DUOX1: variants seen among roughly 807,000 people sequenced by gnomAD.
DUOX1 encodes NADPH thyroid oxidase 1.
Under a neutral mutation model 181.8 loss-of-function variants are expected in DUOX1, and 134 were observed. The observed-to-expected ratio is 0.74, with a 90% CI of 0.64 to 0.85. The LOEUF is 0.85. DUOX1 is among the 40% of genes least tolerant of loss of function. DUOX1 has a pLI of 0.00. For synonymous variants in DUOX1, 798 were observed against 832.5 expected (o/e 0.96, Z 0.71); for missense variants, 1,814 against 2,064.4 (o/e 0.88, Z 2.35).
intron 24 of DUOX1, 21 bp downstream of exon 24, chr15:45,152,073 C>A (rs774008268): frequency 6.2e-7 from 1 of 1,610,292 alleles, no homozygotes; most frequent in African/African-American, 1.3e-5. Context: ...TTACTTACCA[C>A]GAGCCCTGTC....
chr15:45,151,792 G>A, intron 23 of DUOX1, 82 bp from the exon 24 acceptor site: 1 of 1,435,856 alleles, frequency 7.0e-7, no homozygotes, highest in Middle Eastern at 1.9e-4. Context: ...TCACTTCTGG[G>A]CGGCTCACCT....
Position 45,150,837 on chromosome 15 carries a change from A to G in DUOX1, c.2888+136A>G, listed in dbSNP as rs1595588577. The G allele has an allele frequency of 5.7e-6, 5 of 876,144 alleles. No individual in the cohort carries two copies. The East Asian group carries it at 1.3e-4, about 23-fold the overall frequency. 54.3% of individuals were successfully genotyped at this position (876,144 alleles called of 1,614,324 possible). A position where few individuals can be genotyped will look rare whatever the true frequency, so the allele number is the denominator to read the frequency against. ...ATTAGAAAAGGACACCCCTTTCTCT[A>G]GGCAGACACAGCCCTGTGCCAGGGC... On this transcript the variant is annotated intron_variant, in intron 22 of 33. Coordinates refer to ENST00000389037, the MANE Select transcript of DUOX1 (RefSeq NM_175940.3).
intron 27 of DUOX1, 143 bp downstream of exon 27, chr15:45,154,143 C>T (rs2141293503): frequency 1.3e-6 from 1 of 762,112 alleles, no homozygotes; most frequent in Non-Finnish European, 2.3e-6. Context: ...GAGGACACTA[C>T]TGGGTGGGCA....
chr15:45,143,095 A>G (rs1896550509), intron 15 of DUOX1, 95 bp from the exon 16 acceptor site: 1 of 891,164 alleles, frequency 1.1e-6, no homozygotes, highest in Non-Finnish European at 1.8e-6. Context: ...AGGTGGGGAC[A>G]ATAGGTGGTA....
chr15:45,142,181 C>A (rs1896518091), intron 15 of DUOX1, 69 bp downstream of exon 15: 4 of 1,544,530 alleles, frequency 2.6e-6, no homozygotes, highest in South Asian at 1.2e-5. Flanking sequence ...GGTGGTTCCA[C>A]TAATGACAAC....
rs779431682 is a variant in DUOX1 at position 45,133,841 on chromosome 15, C to T, written c.59-23C>T. ...CTCACGCACTGACTTGCCCAGCTGC[C>T]CCTTCCCTCCATTCTCACACAGGAG... On this transcript the variant is annotated intron_variant, in intron 2 of 33. Coordinates refer to ENST00000389037, the MANE Select transcript of DUOX1 (RefSeq NM_175940.3). 7.5e-6 allele frequency: 12 copies of T among 1,609,478 alleles called. No individual in the cohort carries two copies. The South Asian group carries it at 1.3e-4, about 18-fold the overall frequency.
chr15:45,141,144 GC>G, intron 13 of DUOX1, 74 bp downstream of exon 13: 1 of 1,584,784 alleles, frequency 6.3e-7, no homozygotes, highest in Non-Finnish European at 8.7e-7. Flanking sequence ...GCCTTAGACA[GC>G]CCCCATGAGC....
At chr15:45,141,653 G>A (rs914596059) in intron 14 of DUOX1, among the ~76,000 whole-genome samples, 8 of 152,158 alleles carry the variant, frequency 5.3e-5, no homozygotes, top group African/African-American at 1.9e-4. Flanking sequence ...GAGCTGGTGA[G>A]GAGGTTCACA....
chr15:45,157,956 G>C (rs895941591), intron 28 of DUOX1, among the ~76,000 whole-genome samples: 2 of 152,080 alleles, frequency 1.3e-5, no homozygotes, highest in Non-Finnish European at 2.9e-5. Context: ...CTTGTCCCAG[G>C]CGTGACCACT....
chr15:45,164,064 A>T, intron 33 of DUOX1, 146 bp downstream of exon 33: 1 of 1,301,110 alleles, frequency 7.7e-7, no homozygotes, highest in Non-Finnish European at 1.1e-6. Flanking sequence ...AATGGAAAGG[A>T]TAGGTGGGTG....
chr15:45,141,987 C>T lies in DUOX1; in HGVS notation c.1697C>T (p.Pro566Leu), dbSNP rs969198560. 78 of 1,611,854 alleles carry T rather than the reference C, an allele frequency of 4.8e-5. No individual in the cohort carries two copies. The highest frequency in any genetic ancestry group is 2.5e-4 in the Admixed American group (15 of 59,830). Residue 566 changes from proline (P) to leucine (L), a missense_variant, in exon 15 of 34, where the codon CCG becomes CTG. By Grantham distance (98) the Pro-to-Leu change is moderately conservative. Transcript: ENST00000389037. ...VFVWHKGDPC[P>L]QPRQLSTEGL... Reference sequence around the variant, plus strand: ...TCTGCCTTCCCAGGAGACCCCTGTCCGCAGCCGAGACAGCTCAGCACTGAA... The same window carrying T: ...TCTGCCTTCCCAGGAGACCCCTGTCTGCAGCCGAGACAGCTCAGCACTGAA...
intron 18 of DUOX1, among the ~76,000 whole-genome samples, chr15:45,146,581 G>C (rs188438573): frequency 4.0e-5 from 6 of 151,656 alleles, no homozygotes; most frequent in Admixed American, 2.0e-4. Flanking sequence ...GAGATAAGTA[G>C]GGCAGATGAG....
At position 45,161,061 on chromosome 15, in the gene DUOX1, GCA is replaced by G. The variant is rs1897087413; in HGVS notation, c.3856+74_3856+75del. The G allele has an allele frequency of 1.9e-6, 3 of 1,597,746 alleles. No homozygotes were observed. In the East Asian group the frequency reaches 6.8e-5, roughly 36 times the overall value. ...ACCGGGCAGAGGCAGAGTCTAGACC[GCA>G]CAGTCTCCTGGTCGGGCCCAGTGGA... On this transcript the variant is annotated intron_variant, in intron 29 of 33. Coordinates refer to ENST00000389037, the MANE Select transcript of DUOX1 (RefSeq NM_175940.3).
chr15:45,152,745 T>TAG, intron 25 of DUOX1: 1 of 597,572 alleles, frequency 1.7e-6, no homozygotes, highest in East Asian at 2.8e-5. Flanking sequence ...AGCTGACAAG[T>TAG]TACTAACACC....
Position 45,145,009 on chromosome 15 carries a change from A to G in DUOX1, c.2251A>G (p.Met751Val). 1 of 1,614,048 alleles carries G rather than the reference A, an allele frequency of 6.2e-7. No homozygotes were observed. The highest frequency in any genetic ancestry group is 8.5e-7 in the Non-Finnish European group (1 of 1,179,960). Residue 751 changes from methionine (M) to valine (V), a missense_variant, in exon 18 of 34, where the codon ATG becomes GTG. Coordinates refer to ENST00000389037, the MANE Select transcript of DUOX1 (RefSeq NM_175940.3). ...GTGGGAGCTGCGGGAGCAGGAGCTG[A>G]TGAGAGCAGCTGTGACACGGGAGCA... ...QEWELREQEL[M>V]RAAVTREQRR...
chr15:45,160,593 A>G (rs931528313), intron 28 of DUOX1, among the ~76,000 whole-genome samples: 3 of 152,246 alleles, frequency 2.0e-5, no homozygotes, highest in African/African-American at 7.2e-5. Context: ...AGTCCAGGTG[A>G]CAGGTGACAT....
rs1283958808 is a variant in DUOX1, at chr15:45,164,784, G to A, written c.4539G>A (p.Arg1513=). 3.1e-5 allele frequency: 50 copies of A among 1,614,070 alleles called. No individual in the cohort carries two copies. The highest frequency in any genetic ancestry group is 4.0e-5 in the Non-Finnish European group (47 of 1,180,044). The stretch of plus-strand genomic sequence containing the variant: ...ACTTATTCCTCCTGCAACAGGTCCG[G>A]AAGATCGGGGTGTTTAGCTGTGGCC... ...NSLQEVHPQV[R]KIGVFSCGPP... Residue 1513 remains arginine (R), a synonymous_variant, in exon 34 of 34, where the codon CGG becomes CGA. Transcript: ENST00000389037.
chr15:45,141,988 G>A lies in DUOX1; in HGVS notation c.1698G>A (p.Pro566=), dbSNP rs199857140. The A allele has an allele frequency of 1.3e-4, 217 of 1,611,740 alleles. No homozygotes were observed. The highest frequency in any genetic ancestry group is 7.4e-4 in the Middle Eastern group (4 of 5,426). ...VFVWHKGDPC[P]QPRQLSTEGL... ...CTGCCTTCCCAGGAGACCCCTGTCC[G>A]CAGCCGAGACAGCTCAGCACTGAAG... The change falls in exon 15 of 34, where the codon CCG becomes CCA. Residue 566 remains proline, a synonymous_variant. Coordinates refer to ENST00000389037, the MANE Select transcript of DUOX1 (RefSeq NM_175940.3).
chr15:45,152,057 G>A lies in DUOX1; in HGVS notation c.3193+5G>A, dbSNP rs1896825539. The A allele has an allele frequency of 6.2e-7, 1 of 1,612,602 alleles. No individual in the cohort carries two copies. Among genetic ancestry groups the A allele is most frequent in the African/African-American group, 1.3e-5 (1 of 74,900 alleles). On this transcript the variant is annotated splice_donor_5th_base_variant and intron_variant, in intron 24 of 33. Transcript: ENST00000389037. ...TTTTCCTGGAGAGGGCCTACTGTGAGTGACTTTACTTACCACGAGCCCTGT... is the reference window on the plus strand; with the variant it reads ...TTTTCCTGGAGAGGGCCTACTGTGAATGACTTTACTTACCACGAGCCCTGT...
Sources: gnomAD v4.1 joint callset for allele counts (sites outside exome capture counted in the v4.1 genomes callset) on GRCh38, gnomAD v4.1.1 for gene constraint, MANE v1.5 for transcripts, NCBI Gene and HGNC (gene_info 2026-07-23, HGNC 2026-07-21) for gene names.